Variants in BIN1 observed in about 807,000 individuals in gnomAD.
BIN1 encodes the protein bridging integrator 1, also known as myc box-dependent-interacting protein 1.
In BIN1, 53 loss-of-function variants were observed where a neutral mutation model predicts 82.0. The observed-to-expected ratio is 0.65, with a 90% CI of 0.52 to 0.81. The LOEUF is 0.81. BIN1 is among the 40% of genes least tolerant of loss of function. BIN1 has a pLI of 0.00. For missense variants in BIN1, 642 were observed against 784.4 expected, an observed-to-expected ratio of 0.82 and a Z score of 2.17; for synonymous variants, 302 against 328.0, an observed-to-expected ratio of 0.92 and a Z score of 0.86.
At position 127,067,899 on chromosome 2, in the gene BIN1, A is replaced by G. The variant is rs1685349677; in HGVS notation, c.612+264T>C. Among the ~76,000 whole-genome samples, 1 of 152,190 alleles carries G rather than the reference A, an allele frequency of 6.6e-6. No individual in the cohort carries two copies. The highest frequency in any genetic ancestry group is 1.5e-5 in the Non-Finnish European group (1 of 68,032). ...TCCTGGACCACTAGGATTTCAGAGG[A>G]GTCTCCAGGAATGACCACAGATGCA... is the stretch of plus-strand genomic sequence containing the variant. On this transcript the variant is annotated intron_variant, in intron 7 of 18. Coordinates refer to ENST00000316724, the MANE Select transcript of BIN1 (RefSeq NM_139343.3). The surrounding 1 kb of genome is among the most constrained non-coding windows in gnomAD (Gnocchi z 4.7).
rs778210540 is a variant in BIN1, at chr2:127,053,851, G to A, written c.1239+54C>T. ...GTGGCCAATAGGCAACATGAGCCCA[G>A]GGTTGGGCACCTGGAAGCTGGTGGG... is the stretch of plus-strand genomic sequence containing the variant. On this transcript the variant is annotated intron_variant, in intron 13 of 18. Coordinates refer to ENST00000316724, the MANE Select transcript of BIN1 (RefSeq NM_139343.3). 207 of 1,519,272 alleles carry A rather than the reference G, an allele frequency of 1.4e-4. 1 individual carries two copies. Among genetic ancestry groups the A allele is most frequent in the Non-Finnish European group, 1.8e-4 (203 of 1,119,166 alleles). The allele number at this position is 1,519,272 out of a possible 1,614,324, so 94.1% of individuals were successfully genotyped here. A position where few individuals can be genotyped will look rare whatever the true frequency, so the allele number is the denominator to read the frequency against.
intron 1 of BIN1, among the ~76,000 whole-genome samples, chr2:127,086,281 G>T (rs535057993): frequency 9.1e-4 from 139 of 152,254 alleles, no homozygotes; most frequent in African/African-American, 3.2e-3. Flanking sequence ...ACAGACACTG[G>T]GGGGAGCGGG....
intron 11 of BIN1, among the ~76,000 whole-genome samples, chr2:127,058,724 GA>G (rs1684031157): frequency 6.6e-6 from 1 of 150,508 alleles, no homozygotes; most frequent in African/African-American, 2.4e-5. Context: ...AGAAGATGGA[GA>G]AAGAGTCAAG....
intron 18 of BIN1, among the ~76,000 whole-genome samples, chr2:127,049,593 G>A (rs770003227): frequency 6.6e-5 from 10 of 152,226 alleles, no homozygotes; most frequent in Non-Finnish European, 1.2e-4. Flanking sequence ...CTGGAAGCAG[G>A]AAGAAGCCGG....
At chr2:127,106,080 C>A (rs1331954162) in intron 1 of BIN1, among the ~76,000 whole-genome samples, 2 of 152,220 alleles carry the variant, frequency 1.3e-5, no homozygotes, top group Non-Finnish European at 2.9e-5. Context: ...GAGGAGGGGT[C>A]GGGTTTCCTG....
chr2:127,082,361 T>G lies in BIN1; in HGVS notation c.85-5655A>C, dbSNP rs1207914254. ...CCTGCAGGGGAGACAGAGGGCAGGATGGCCAGCTGAAGGCCTCCGTGGTCA... is the reference window on the plus strand; with the variant it reads ...CCTGCAGGGGAGACAGAGGGCAGGAGGGCCAGCTGAAGGCCTCCGTGGTCA... On this transcript the variant is annotated intron_variant, in intron 1 of 18. Transcript: ENST00000316724. This position sits in a 1 kb window ranked among gnomAD's most constrained non-coding sequence, Gnocchi z 6.1. 6.6e-6 allele frequency among the ~76,000 whole-genome samples: 1 copy of G among 152,104 alleles called. No individual in the cohort carries two copies. The highest frequency in any genetic ancestry group is 1.5e-5 in the Non-Finnish European group (1 of 67,984).
intron 10 of BIN1, among the ~76,000 whole-genome samples, chr2:127,060,386 T>C (rs538384072): frequency 6.6e-6 from 1 of 152,322 alleles, no homozygotes; most frequent in South Asian, 2.1e-4. Flanking sequence ...CAGAGGAACG[T>C]GCTAAATGCA....
intron 1 of BIN1, among the ~76,000 whole-genome samples, chr2:127,083,374 C>T (rs1274776530): frequency 6.6e-6 from 1 of 152,132 alleles, no homozygotes; most frequent in Non-Finnish European, 1.5e-5. Context: ...AGCCACCGTG[C>T]CCAGTCACTT....
intron 1 of BIN1, among the ~76,000 whole-genome samples, chr2:127,078,210 T>C (rs1443982625): frequency 6.6e-6 from 1 of 151,750 alleles, no homozygotes; most frequent in Non-Finnish European, 1.5e-5. Context: ...CCCAGAAGCC[T>C]TGGCAAGGCC....
chr2:127,070,789 G>A lies in BIN1; in HGVS notation c.193C>T (p.Leu65Phe). The change falls in exon 3 of 19, where the codon CTC (leucine) becomes TTC (phenylalanine). Residue 65 changes from leucine (L) to phenylalanine (F), a missense_variant. By Grantham distance (22) the Leu-to-Phe change is conservative. Transcript: ENST00000316724. Reference sequence around the variant, plus strand: ...TTGACGGAGGCCAGGTAGGTCCGGAGATCCTTCTGCAGCCGGGTGCCCTCC... The same window carrying A: ...TTGACGGAGGCCAGGTAGGTCCGGAAATCCTTCTGCAGCCGGGTGCCCTCC... ...LTEGTRLQKD[L>F]RTYLASVKAM... 6.2e-7 allele frequency: 1 copy of A among 1,613,138 alleles called. No homozygotes were observed. Among genetic ancestry groups the A allele is most frequent in the Non-Finnish European group, 8.5e-7 (1 of 1,180,002 alleles).
At chr2:127,058,372 G>A (rs1683979480) in intron 11 of BIN1, among the ~76,000 whole-genome samples, 1 of 152,180 alleles carries the variant, frequency 6.6e-6, no homozygotes, top group Admixed American at 6.5e-5. Context: ...GAGCAGGGCG[G>A]CAGCAGAAAA....
chr2:127,054,261 G>A (rs770375877), intron 12 of BIN1: 2 of 543,082 alleles, frequency 3.7e-6, no homozygotes, highest in Non-Finnish European at 3.4e-6. Flanking sequence ...CACACCAGGA[G>A]GACGACCCCA....
Position 127,050,789 on chromosome 2 carries a change from G to C in BIN1, c.1572+13C>G. The C allele has an allele frequency of 1.9e-6, 3 of 1,612,390 alleles. No individual in the cohort carries two copies. In the South Asian group the frequency reaches 3.3e-5, roughly 18 times the overall value. ...CACCGAGGGACTGCAGCAGTCAGAG[G>C]CTGTGGGCTCACCTTGAACATGAAA... On this transcript the variant is annotated intron_variant, in intron 17 of 18. Coordinates refer to ENST00000316724, the MANE Select transcript of BIN1 (RefSeq NM_139343.3).
chr2:127,094,475 G>A (rs142987113), intron 1 of BIN1, among the ~76,000 whole-genome samples: 3 of 152,178 alleles, frequency 2.0e-5, no homozygotes, highest in African/African-American at 7.2e-5. Context: ...AGATGAGGAG[G>A]GAGAGCAGGA....
chr2:127,060,087 C>T, intron 10 of BIN1, among the ~76,000 whole-genome samples: 1 of 152,144 alleles, frequency 6.6e-6, no homozygotes, highest in Admixed American at 6.5e-5. Context: ...AAGCATCCAG[C>T]AGGAACCAGT....
intron 7 of BIN1, chr2:127,064,884 G>C (rs565588141): frequency 2.0e-5 from 3 of 152,532 alleles, no homozygotes; most frequent in African/African-American, 7.2e-5. Flanking sequence ...CCAGGGAAGG[G>C]GCTGTGCTGG....
intron 15 of BIN1, among the ~76,000 whole-genome samples, chr2:127,051,652 AG>A (rs113764987): frequency 6.6e-6 from 1 of 152,202 alleles, no homozygotes; most frequent in Admixed American, 6.5e-5. Context: ...AGTCCATGGC[AG>A]GGGACAGCAA....
chr2:127,054,193 T>A lies in BIN1; in HGVS notation c.1132-181A>T. ...GGCACACAGCCCAGGCACCAACTCATCCACCTCACACACGGGAGCACTGCC... is the reference window on the plus strand; with the variant it reads ...GGCACACAGCCCAGGCACCAACTCAACCACCTCACACACGGGAGCACTGCC... On this transcript the variant is annotated intron_variant, in intron 12 of 18. Transcript: ENST00000316724. 4.6e-6 allele frequency: 3 copies of A among 645,640 alleles called. No individual in the cohort carries two copies. The South Asian group carries it at 5.3e-5, about 11-fold the overall frequency. The allele number at this position is 645,640 out of a possible 1,614,324, so 40.0% of individuals were successfully genotyped here. A position where few individuals can be genotyped will look rare whatever the true frequency, so the allele number is the denominator to read the frequency against.
intron 1 of BIN1, among the ~76,000 whole-genome samples, chr2:127,098,175 G>C (rs1452469398): frequency 6.6e-6 from 1 of 152,238 alleles, no homozygotes; most frequent in African/African-American, 2.4e-5. Flanking sequence ...TTCATTCAGA[G>C]TAAGAAGTTG....
Sources: gnomAD v4.1 joint callset for allele counts (sites outside exome capture counted in the v4.1 genomes callset) on GRCh38, gnomAD v4.1.1 for gene constraint, Gnocchi (gnomAD v3.1) non-coding constraint, MANE v1.5 for transcripts, NCBI Gene and HGNC (gene_info 2026-07-23, HGNC 2026-07-21) for gene names.